The following PRSS12 variants were observed in gnomAD, a reference collection of about 807,000 sequenced individuals.
The protein encoded by PRSS12 is serine protease 12, also known as neurotrypsin.
In PRSS12, 85 loss-of-function variants were observed where a neutral mutation model predicts 104.4. The ratio of observed to expected loss-of-function variants is 0.81; its 90% CI spans 0.68 to 0.98. PRSS12 has a LOEUF of 0.98. Ranked by LOEUF, PRSS12 falls within the 50% of genes least tolerant of loss-of-function variation. The probability of loss-of-function intolerance (pLI) is 0.00; values close to 1 mark genes in which losing one functional copy is unlikely to be tolerated. For synonymous variants in PRSS12, 454 were observed against 425.2 expected (o/e 1.07, Z -0.83); for missense variants, 1,141 against 1,139.2 (o/e 1.00, Z -0.02).
At chr4:118,282,732 G>C (rs966023715) in intron 12 of PRSS12, 99 bp downstream of exon 12, 1 of 1,535,814 alleles carries the variant, frequency 6.5e-7, no homozygotes, top group Non-Finnish European at 9.0e-7. Flanking sequence ...CTCCAAATAA[G>C]TCTGAATCCA....
chr4:118,306,715 T>A (rs1743562993), intron 8 of PRSS12, among the ~76,000 whole-genome samples: 1 of 152,118 alleles, frequency 6.6e-6, no homozygotes, highest in Non-Finnish European at 1.5e-5. Context: ...GAGATTTGGG[T>A]GGGGACAAAT....
At chr4:118,294,846 G>T in intron 11 of PRSS12, 93 bp downstream of exon 11, 1 of 1,544,996 alleles carries the variant, frequency 6.5e-7, no homozygotes, top group Non-Finnish European at 8.9e-7. Context: ...TCATAGCCTG[G>T]CTCTGACACC....
intron 6 of PRSS12, among the ~76,000 whole-genome samples, chr4:118,314,205 A>G (rs1309064863): frequency 6.6e-6 from 1 of 152,156 alleles, no homozygotes; most frequent in Admixed American, 6.5e-5. Context: ...CTAACAGCCT[A>G]CAAGATTCAA....
intron 11 of PRSS12, among the ~76,000 whole-genome samples, chr4:118,284,365 CT>C (rs1742967375): frequency 6.6e-6 from 1 of 152,192 alleles, no homozygotes; most frequent in African/African-American, 2.4e-5. Context: ...GTTACTTCCT[CT>C]TTTTCACAGA....
intron 8 of PRSS12, among the ~76,000 whole-genome samples, chr4:118,304,336 T>C (rs1176035659): frequency 6.6e-6 from 1 of 152,000 alleles, no homozygotes; most frequent in East Asian, 1.9e-4. Flanking sequence ...TGTTCATGTA[T>C]TTTTTAAAAT....
In PRSS12 at chr4:118,313,368, A is replaced by G. The variant is rs568736066; in HGVS notation, c.1322T>C (p.Phe441Ser). Residue 441 changes from phenylalanine (F) to serine (S), a missense_variant, in exon 7 of 13, where the codon TTT becomes TCT. By Grantham distance (155) the Phe-to-Ser change is radical. Coordinates refer to ENST00000296498, the MANE Select transcript of PRSS12 (RefSeq NM_003619.4). The stretch of plus-strand genomic sequence containing the variant: ...CCATATGGGCCCTGTGCTTTCTTCA[A>G]AATGGTTGGCAGATGCTTGTTTACC... ...KYGKQASANH[F>S]EESTGPIWLD... 2.5e-6 allele frequency: 4 copies of G among 1,614,102 alleles called. No individual in the cohort carries two copies.
chr4:118,321,349 T>C (rs909589256), intron 4 of PRSS12, among the ~76,000 whole-genome samples: 6 of 152,180 alleles, frequency 3.9e-5, no homozygotes, highest in Non-Finnish European at 8.8e-5. Flanking sequence ...TGTATAAATA[T>C]TTGTATATTA....
intron 4 of PRSS12, among the ~76,000 whole-genome samples, chr4:118,319,807 A>G (rs2126036207): frequency 6.6e-6 from 1 of 152,102 alleles, no homozygotes; most frequent in South Asian, 2.1e-4. Flanking sequence ...CCTCCTCAGT[A>G]TCTGGGACTA....
rs113331980 is a variant in PRSS12 at position 118,282,112 on chromosome 4, C to T, written c.2452G>A (p.Val818Met). ...CAGNLHEHKR[V>M]DSCQGDSGGP... ...CCGCTGTCTCCCTGGCAGCTGTCCA[C>T]GCGTTTGTGTTCATGGAGGTTTCCA... Residue 818 changes from valine (V) to methionine (M), a missense_variant, in exon 13 of 13, where the codon GTG (valine) becomes ATG (methionine). By Grantham distance (21) the Val-to-Met change is conservative. Transcript: ENST00000296498. 18 of 1,614,124 alleles carry T rather than the reference C, an allele frequency of 1.1e-5. 1 individual carries two copies. Among genetic ancestry groups the T allele is most frequent in the African/African-American group, 4.0e-5 (3 of 74,936 alleles).
intron 3 of PRSS12, among the ~76,000 whole-genome samples, chr4:118,332,533 G>T (rs1233672647): frequency 6.6e-6 from 1 of 152,076 alleles, no homozygotes; most frequent in Non-Finnish European, 1.5e-5. Flanking sequence ...CTCTGCCCTG[G>T]ATAAGACAGC....
intron 8 of PRSS12, among the ~76,000 whole-genome samples, chr4:118,305,402 G>T (rs988972535): frequency 6.6e-6 from 1 of 151,914 alleles, no homozygotes; most frequent in African/African-American, 2.4e-5. Flanking sequence ...CAGAAATATT[G>T]AAAGCTGCAA....
chr4:118,343,855 C>T (rs1338052955), intron 1 of PRSS12, among the ~76,000 whole-genome samples: 1 of 152,056 alleles, frequency 6.6e-6, no homozygotes, highest in African/African-American at 2.4e-5. Context: ...GCAGTAAAAA[C>T]AAAGACCCAC....
intron 11 of PRSS12, among the ~76,000 whole-genome samples, chr4:118,291,278 T>C (rs1455423503): frequency 1.3e-5 from 2 of 152,122 alleles, no homozygotes; most frequent in Admixed American, 6.6e-5. Context: ...TAGGTAATAA[T>C]TGCCATCCCT....
At chr4:118,296,697 A>T (rs1343402043) in intron 9 of PRSS12, among the ~76,000 whole-genome samples, 3 of 152,066 alleles carry the variant, frequency 2.0e-5, no homozygotes, top group Non-Finnish European at 4.4e-5. Context: ...GGTCTCCCAT[A>T]ATAACCAGGT....
intron 4 of PRSS12, among the ~76,000 whole-genome samples, chr4:118,327,658 A>G (rs775898475): frequency 2.0e-5 from 3 of 152,230 alleles, no homozygotes; most frequent in Non-Finnish European, 4.4e-5. Context: ...TATGCTTTTA[A>G]GAGTTTTTGA....
At chr4:118,342,113 T>C (rs780486410) in intron 1 of PRSS12, among the ~76,000 whole-genome samples, 9 of 152,162 alleles carry the variant, frequency 5.9e-5, no homozygotes, top group Admixed American at 3.9e-4. Context: ...TACAAAGTTG[T>C]AGGAGGACTA....
chr4:118,281,352 GA>G lies in PRSS12; in HGVS notation c.*583del, dbSNP rs886059027. On this transcript the variant is annotated 3_prime_UTR_variant, in exon 13 of 13. Coordinates refer to ENST00000296498, the MANE Select transcript of PRSS12 (RefSeq NM_003619.4). Reference sequence around the variant, plus strand: ...TTGTTTCCAAATATCAGATCACTTTGAGAATATATTGTGACAGGCAGATGTC... The same window carrying G: ...TTGTTTCCAAATATCAGATCACTTTGGAATATATTGTGACAGGCAGATGTC... 1.3e-5 allele frequency: 2 copies of G among 157,420 alleles called. No homozygotes were observed. Among genetic ancestry groups the G allele is most frequent in the African/African-American group, 4.8e-5 (2 of 41,464 alleles). The allele number at this position is 157,420 out of a possible 1,614,324, so 9.8% of individuals were successfully genotyped here.
rs531274069 is a variant in PRSS12 at position 118,351,612 on chromosome 4, CT to C, written c.502+606del. Reference sequence around the variant, plus strand: ...TAGTATTCCCATCTCTTTTCCCTTTCTTTTTTTCCAGTCACTGATGATACTT... The same window carrying C: ...TAGTATTCCCATCTCTTTTCCCTTTCTTTTTTCCAGTCACTGATGATACTT... On this transcript the variant is annotated intron_variant, in intron 1 of 12. Transcript: ENST00000296498. Among the ~76,000 whole-genome samples the C allele has an allele frequency of 5.9e-5, 9 of 152,222 alleles. No individual in the cohort carries two copies. The South Asian group carries it at 1.9e-3, about 32-fold the overall frequency.
intron 10 of PRSS12, 58 bp from the exon 11 acceptor site, chr4:118,295,119 G>T: frequency 5.0e-6 from 8 of 1,592,200 alleles, no homozygotes; most frequent in Non-Finnish European, 6.9e-6. Flanking sequence ...GCAAAGGAAA[G>T]CACTGGTTAA....
Sources: allele counts gnomAD v4.1 joint callset (sites outside exome capture counted in the v4.1 genomes callset), GRCh38; gene constraint gnomAD v4.1.1; transcripts MANE v1.5; gene names NCBI Gene and HGNC (gene_info 2026-07-23, HGNC 2026-07-21).